Variants in PRKG1 observed in about 807,000 individuals in gnomAD.
The protein encoded by PRKG1 is protein kinase cGMP-dependent 1, also known as cGMP-dependent protein kinase 1.
Under a neutral mutation model 88.1 loss-of-function variants are expected in PRKG1, and 35 were observed. The observed-to-expected ratio is 0.40, with a 90% CI of 0.30 to 0.53. The LOEUF (loss-of-function observed/expected upper bound fraction) is 0.53, where lower values mean the gene tolerates loss of function less well. Ranked by LOEUF, PRKG1 falls within the 20% of genes least tolerant of loss-of-function variation. PRKG1 has a pLI of 0.59. For missense variants in PRKG1, 540 were observed against 839.8 expected (o/e 0.64, Z 4.41); for synonymous variants, 303 against 292.5 (o/e 1.04, Z -0.37).
intron 2 of PRKG1, among the ~76,000 whole-genome samples, chr10:51,461,472 C>T (rs958065754): frequency 6.6e-6 from 1 of 152,126 alleles, no homozygotes; most frequent in African/African-American, 2.4e-5. Context: ...AAGCAAGATA[C>T]ATAGCCAACT....
At chr10:51,642,877 G>A (rs758183937) in intron 3 of PRKG1, among the ~76,000 whole-genome samples, 5 of 152,154 alleles carry the variant, frequency 3.3e-5, no homozygotes, top group Non-Finnish European at 7.4e-5. Context: ...GAAAGAATTA[G>A]TTATCTTCAA....
At chr10:51,289,978 G>T (rs976948918) in intron 2 of PRKG1, among the ~76,000 whole-genome samples, 2 of 152,092 alleles carry the variant, frequency 1.3e-5, no homozygotes, top group Non-Finnish European at 1.5e-5. Context: ...TCTTTTGCAG[G>T]TTCAGTTTTT....
At chr10:51,387,979 G>A (rs1054757151) in intron 2 of PRKG1, among the ~76,000 whole-genome samples, 4 of 152,234 alleles carry the variant, frequency 2.6e-5, no homozygotes, top group Admixed American at 1.3e-4. Flanking sequence ...TGTCAGCTTT[G>A]AAGTTAGTGG....
intron 3 of PRKG1, among the ~76,000 whole-genome samples, chr10:51,609,756 G>A (rs918333822): frequency 3.3e-5 from 5 of 152,054 alleles, no homozygotes; most frequent in African/African-American, 1.2e-4. Context: ...CAAGCACCAC[G>A]TGTTCTCACT....
intron 2 of PRKG1, among the ~76,000 whole-genome samples, chr10:51,464,595 TATAAG>T (rs1468325213): frequency 6.6e-6 from 1 of 151,822 alleles, no homozygotes; most frequent in Non-Finnish European, 1.5e-5. Context: ...ATTAGGCAAA[TATAAG>T]ATAAGATCAG....
rs1185777219 is a variant in PRKG1, at chr10:52,293,820, A to T, written c.1981A>T (p.Thr661Ser). The change falls in exon 18 of 18, where the codon ACA becomes TCA. Residue 661 changes from threonine (T) to serine (S), a missense_variant. Coordinates refer to ENST00000373980, the MANE Select transcript of PRKG1 (RefSeq NM_006258.4). ...IIPSVASPTD[T>S]SNFDSFPEDN... ...TTTACAGGTTGCATCACCCACAGAC[A>T]CAAGTAATTTTGACAGTTTCCCTGA... is the stretch of plus-strand genomic sequence containing the variant. 1.2e-6 allele frequency: 2 copies of T among 1,613,142 alleles called. No individual in the cohort carries two copies. Among genetic ancestry groups the T allele is most frequent in the Non-Finnish European group, 8.5e-7 (1 of 1,179,356 alleles).
intron 4 of PRKG1, among the ~76,000 whole-genome samples, chr10:51,902,270 C>T (rs1841997056): frequency 6.6e-6 from 1 of 152,002 alleles, no homozygotes; most frequent in Non-Finnish European, 1.5e-5. Flanking sequence ...GCATGTGCCA[C>T]CATACCCAGC....
intron 2 of PRKG1, among the ~76,000 whole-genome samples, chr10:51,225,213 C>T (rs1182088922): frequency 6.6e-6 from 1 of 152,148 alleles, no homozygotes; most frequent in Non-Finnish European, 1.5e-5. Context: ...GTGTTGCCTC[C>T]TCTCTGTGTC....
chr10:51,344,548 AT>A (rs1373314827), intron 2 of PRKG1, among the ~76,000 whole-genome samples: 1 of 152,214 alleles, frequency 6.6e-6, no homozygotes, highest in East Asian at 1.9e-4. Context: ...TTAAGCAATC[AT>A]TCTAGCTTAG....
At chr10:52,240,043 A>G (rs1036427205) in intron 9 of PRKG1, among the ~76,000 whole-genome samples, 7 of 152,222 alleles carry the variant, frequency 4.6e-5, no homozygotes, top group African/African-American at 1.7e-4. Context: ...TTATAAAGTT[A>G]TCTGATTTTG....
chr10:51,215,342 G>A (rs1838343715), intron 2 of PRKG1, among the ~76,000 whole-genome samples: 1 of 152,204 alleles, frequency 6.6e-6, no homozygotes, highest in African/African-American at 2.4e-5. Context: ...AATTACAAGT[G>A]ATTACAACTA....
intron 3 of PRKG1, among the ~76,000 whole-genome samples, chr10:51,519,406 T>C (rs931076752): frequency 6.6e-6 from 1 of 152,140 alleles, no homozygotes; most frequent in Non-Finnish European, 1.5e-5. Flanking sequence ...GAAAACTCAT[T>C]CCATTTTGTT....
intron 2 of PRKG1, among the ~76,000 whole-genome samples, chr10:51,326,479 G>T (rs1253627416): frequency 6.6e-6 from 1 of 152,182 alleles, no homozygotes; most frequent in Non-Finnish European, 1.5e-5. Context: ...CATCAATTCT[G>T]TAGTAAATTC....
At position 51,189,190 on chromosome 10, in the gene PRKG1, T is replaced by C. The variant is rs74133519; in HGVS notation, c.478+35860T>C. On this transcript the variant is annotated intron_variant, in intron 2 of 17. Coordinates refer to ENST00000373980, the MANE Select transcript of PRKG1 (RefSeq NM_006258.4). ...TTAGGAAAAGAGGATGCTCATCTTT[T>C]CCAGGCCCGTATATTCTTTATGGTA... is the stretch of plus-strand genomic sequence containing the variant. 5.5e-3 allele frequency among the ~76,000 whole-genome samples: 830 copies of C among 152,034 alleles called. 18 individuals are homozygous for C. Among genetic ancestry groups the C allele is most frequent in the African/African-American group, 0.019 (799 of 41,532 alleles).
chr10:51,811,417 C>T (rs2132624045), intron 4 of PRKG1, among the ~76,000 whole-genome samples: 2 of 152,074 alleles, frequency 1.3e-5, no homozygotes, highest in East Asian at 3.9e-4. Flanking sequence ...ATCCAACAGG[C>T]ACTTTATTTT....
intron 4 of PRKG1, among the ~76,000 whole-genome samples, chr10:51,845,922 A>G (rs1195516226): frequency 6.6e-6 from 1 of 150,916 alleles, no homozygotes; most frequent in African/African-American, 2.4e-5. Context: ...TGAATGATAC[A>G]GTTCTGTCTG....
rs192865392 is a variant in PRKG1, at chr10:51,541,013, G to A, written c.592+73177G>A. Among the ~76,000 whole-genome samples, 751 of 152,224 alleles carry A rather than the reference G, an allele frequency of 4.9e-3. 7 individuals carry two copies. The highest frequency in any genetic ancestry group is 7.4e-3 in the Non-Finnish European group (504 of 68,006). On this transcript the variant is annotated intron_variant, in intron 3 of 17. Transcript: ENST00000373980. ...ATTACAGGCGTGAGCCACCACATCC[G>A]GCCCAGTATAGTAGTTTTTGTGTGG...
chr10:51,327,125 T>G (rs897710070), intron 2 of PRKG1, among the ~76,000 whole-genome samples: 2 of 151,916 alleles, frequency 1.3e-5, no homozygotes, highest in Non-Finnish European at 2.9e-5. Context: ...TAAAGAAAAG[T>G]AAAATAAGGC....
chr10:52,080,060 C>T (rs577026061), intron 7 of PRKG1, among the ~76,000 whole-genome samples: 1 of 152,258 alleles, frequency 6.6e-6, no homozygotes, highest in South Asian at 2.1e-4. Context: ...TCAAGTCCTA[C>T]GACACAGCTC....
Sources: gnomAD v4.1 joint callset for allele counts (sites outside exome capture counted in the v4.1 genomes callset) on GRCh38, gnomAD v4.1.1 for gene constraint, MANE v1.5 for transcripts, NCBI Gene and HGNC (gene_info 2026-07-23, HGNC 2026-07-21) for gene names.